ESR2: variants seen among roughly 807,000 people sequenced by gnomAD.
ESR2 encodes the protein estrogen receptor beta.
Under a neutral mutation model 49.6 loss-of-function variants are expected in ESR2, and 36 were observed. That is an observed-to-expected ratio of 0.73 (90% CI 0.56 to 0.96). ESR2 has a LOEUF of 0.96. Ranked by LOEUF, ESR2 falls within the 40% of genes least tolerant of loss-of-function variation. The probability of loss-of-function intolerance (pLI) is 0.00; values close to 1 mark genes in which losing one functional copy is unlikely to be tolerated. For missense variants in ESR2, 714 were observed against 693.0 expected (o/e 1.03, Z -0.34); for synonymous variants, 320 against 266.1 (o/e 1.20, Z -1.97).
chr14:64,262,728 T>C (rs545337925), intron 4 of ESR2, among the ~76,000 whole-genome samples: 13 of 152,198 alleles, frequency 8.5e-5, no homozygotes, highest in African/African-American at 2.9e-4. Context: ...CTGGGCAGCA[T>C]GGTGAAACCC....
At chr14:64,307,322 C>T (rs956548403) in intron 1 of ESR2, among the ~76,000 whole-genome samples, 4 of 151,352 alleles carry the variant, frequency 2.6e-5, no homozygotes, top group Non-Finnish European at 5.9e-5. Context: ...AGTGATCCTC[C>T]TGCCTCAGCC....
intron 1 of ESR2, among the ~76,000 whole-genome samples, chr14:64,285,560 G>A (rs1282992664): frequency 6.6e-6 from 1 of 152,148 alleles, no homozygotes; most frequent in African/African-American, 2.4e-5. Flanking sequence ...AAGAAGTAAA[G>A]TCAATGCCTG....
chr14:64,248,510 AAAAAAAAAAAAAG>A (rs1487619600), intron 7 of ESR2, among the ~76,000 whole-genome samples: 4 of 150,876 alleles, frequency 2.7e-5, no homozygotes, highest in Admixed American at 6.6e-5. Context: ...TGTCTCAAAA[AAAAAAAAAAAAAG>A]AAAAAAAAAA....
chr14:64,302,160 T>TTA (rs1555593262), intron 1 of ESR2, among the ~76,000 whole-genome samples: 258 of 138,204 alleles, frequency 1.9e-3, no homozygotes, highest in Middle Eastern at 7.2e-3. Flanking sequence ...TATTTTTTAT[T>TTA]TTTATTTATT....
Position 64,283,047 on chromosome 14 carries a change from T to C in ESR2, c.-62A>G. 1 of 1,517,310 alleles carries C rather than the reference T, an allele frequency of 6.6e-7. No homozygotes were observed. The highest frequency in any genetic ancestry group is 8.9e-7 in the Non-Finnish European group (1 of 1,129,250). The allele number at this position is 1,517,310 out of a possible 1,614,324, so 94.0% of individuals were successfully genotyped here. On this transcript the variant is annotated 5_prime_UTR_variant, in exon 2 of 9. Coordinates refer to ENST00000341099, the MANE Select transcript of ESR2 (RefSeq NM_001437.3). ...AGAGGCACAAAGGTCATTATAATGT[T>C]CTCAAAGATTCGTGGGCAAGTATAA...
intron 5 of ESR2, among the ~76,000 whole-genome samples, chr14:64,257,622 C>T (rs1295954148): frequency 1.3e-5 from 2 of 152,282 alleles, no homozygotes; most frequent in Non-Finnish European, 2.9e-5. Context: ...GACCTCGGCT[C>T]AGAACTGATC....
rs1368876497 is a variant in ESR2, at chr14:64,265,664, G to A, written c.652+3131C>T. Among the ~76,000 whole-genome samples the A allele has an allele frequency of 2.0e-5, 3 of 152,090 alleles. No homozygotes were observed. The East Asian group carries it at 5.8e-4, about 29-fold the overall frequency. ...CATGGCTATTCAGAGGGATTTCCTG[G>A]CTCCTTACATTTCAGTATATCCTTA... On this transcript the variant is annotated intron_variant, in intron 4 of 8. Coordinates refer to ENST00000341099, the MANE Select transcript of ESR2 (RefSeq NM_001437.3).
At chr14:64,258,847 C>T (rs1000119735) in intron 5 of ESR2, among the ~76,000 whole-genome samples, 1 of 152,052 alleles carries the variant, frequency 6.6e-6, no homozygotes, top group African/African-American at 2.4e-5. Flanking sequence ...AAGATCAAGG[C>T]TAGATGATAT....
intron 8 of ESR2, chr14:64,234,764 G>T: frequency 1.7e-6 from 2 of 1,158,624 alleles, no homozygotes; most frequent in Non-Finnish European, 2.3e-6. Flanking sequence ...CTGCCATGCA[G>T]AGCCTGTAAG....
chr14:64,288,708 G>A (rs1350882957), intron 1 of ESR2, among the ~76,000 whole-genome samples: 2 of 150,662 alleles, frequency 1.3e-5, no homozygotes, highest in African/African-American at 2.4e-5. Context: ...TCAGTCACCC[G>A]GGCGCGGGTG....
chr14:64,327,850 C>A (rs1481336418), intron 1 of ESR2, among the ~76,000 whole-genome samples: 1 of 151,662 alleles, frequency 6.6e-6, no homozygotes, highest in Admixed American at 6.6e-5. Context: ...GCCTGGGCAA[C>A]AGAGCAAGCC....
At chr14:64,279,344 T>C (rs1326470651) in intron 3 of ESR2, among the ~76,000 whole-genome samples, 1 of 152,160 alleles carries the variant, frequency 6.6e-6, no homozygotes, top group Non-Finnish European at 1.5e-5. Flanking sequence ...AATAAATCTC[T>C]TCAAATATTT....
Position 64,231,144 on chromosome 14 carries a change from A to C in ESR2, c.*1993T>G, listed in dbSNP as rs1219837587. 6.6e-6 allele frequency: 1 copy of C among 152,084 alleles called. No homozygotes were observed. The highest frequency in any genetic ancestry group is 1.5e-5 in the Non-Finnish European group (1 of 68,004). 9.4% of individuals were successfully genotyped at this position (152,084 alleles called of 1,614,324 possible). On this transcript the variant is annotated 3_prime_UTR_variant, in exon 9 of 9. Coordinates refer to ENST00000341099, the MANE Select transcript of ESR2 (RefSeq NM_001437.3). Reference sequence around the variant, plus strand: ...AGTGGTTCGCCCACCTCGGCCTCCCAAAGTGCTGGGATTACAGGCGTGAGC... The same window carrying C: ...AGTGGTTCGCCCACCTCGGCCTCCCCAAGTGCTGGGATTACAGGCGTGAGC...
At chr14:64,309,705 C>T (rs2140879240) in intron 1 of ESR2, among the ~76,000 whole-genome samples, 1 of 148,798 alleles carries the variant, frequency 6.7e-6, no homozygotes, top group Middle Eastern at 3.8e-3. Flanking sequence ...CATGGTAGCT[C>T]ACACCTGTAA....
intron 7 of ESR2, 108 bp from the exon 8 acceptor site, chr14:64,235,258 A>G: frequency 7.7e-6 from 9 of 1,161,964 alleles, no homozygotes; most frequent in Non-Finnish European, 1.1e-5. Context: ...TTGCTTTGAC[A>G]GCTGCATGTG....
chr14:64,243,509 C>A lies in ESR2; in HGVS notation c.1225+6037G>T, dbSNP rs1482063635. On this transcript the variant is annotated intron_variant, in intron 7 of 8. Coordinates refer to ENST00000341099, the MANE Select transcript of ESR2 (RefSeq NM_001437.3). ...GCAGTATCTGTGATGCACAATAAAGCAACATGTAATGAAATGGGATGTGTC... is the reference window on the plus strand; with the variant it reads ...GCAGTATCTGTGATGCACAATAAAGAAACATGTAATGAAATGGGATGTGTC... Among the ~76,000 whole-genome samples the A allele has an allele frequency of 7.2e-5, 11 of 152,300 alleles. No homozygotes were observed. In the East Asian group the frequency reaches 1.9e-3, roughly 27 times the overall value.
intron 2 of ESR2, among the ~76,000 whole-genome samples, chr14:64,282,361 T>C (rs2076691415): frequency 6.6e-6 from 1 of 151,846 alleles, no homozygotes. Context: ...AGAAAAGGAG[T>C]GACTTAAGTT....
rs756938044 is a variant in ESR2 at position 64,279,980 on chromosome 14, C to A, written c.535+1G>T. On this transcript the variant is annotated splice_donor_variant, in intron 3 of 8. Transcript: ENST00000341099. LOFTEE classifies it high-confidence loss of function. Reference sequence around the variant, plus strand: ...AGAAGCAGTTAACAATTCTCTTGTACCTTGAATGCTTCTTTTAAAAAAGGC... The same window carrying A: ...AGAAGCAGTTAACAATTCTCTTGTAACTTGAATGCTTCTTTTAAAAAAGGC... 1 of 1,612,350 alleles carries A rather than the reference C, an allele frequency of 6.2e-7. No homozygotes were observed. The highest frequency in any genetic ancestry group is 1.1e-5 in the South Asian group (1 of 91,006).
chr14:64,260,053 G>C (rs746204107), intron 5 of ESR2: 42 of 456,764 alleles, frequency 9.2e-5, no homozygotes, highest in Non-Finnish European at 1.6e-4. Flanking sequence ...ACCACCTCTA[G>C]GCATGAGAGG....
Sources: gnomAD v4.1 joint callset for allele counts (sites outside exome capture counted in the v4.1 genomes callset) on GRCh38, gnomAD v4.1.1 for gene constraint, MANE v1.5 for transcripts, NCBI Gene and HGNC (gene_info 2026-07-23, HGNC 2026-07-21) for gene names.